The following FHAD1 variants were observed in gnomAD, a reference collection of about 807,000 sequenced individuals.
FHAD1 encodes the protein forkhead-associated domain-containing protein 1.
In FHAD1, 146 loss-of-function variants were observed where a neutral mutation model predicts 191.3. The observed-to-expected ratio is 0.76, with a 90% confidence interval of 0.67 to 0.88. The LOEUF (loss-of-function observed/expected upper bound fraction) is 0.88, where lower values mean the gene tolerates loss of function less well. Among genes scored for constraint, FHAD1 ranks in the 40% least tolerant of loss-of-function variants. The pLI, the probability that FHAD1 is intolerant of heterozygous loss-of-function variation, is 0.00. For missense variants in FHAD1, 1,635 were observed against 1,785.8 expected, an observed-to-expected ratio of 0.92 and a Z score of 1.52; for synonymous variants, 616 against 672.3, an observed-to-expected ratio of 0.92 and a Z score of 1.29.
intron 7 of FHAD1, among the ~76,000 whole-genome samples, chr1:15,309,592 C>T (rs1303994028): frequency 6.6e-6 from 1 of 151,946 alleles, no homozygotes; most frequent in Non-Finnish European, 1.5e-5. Flanking sequence ...CTGCGGGCCA[C>T]ATATGGCCCA....
chr1:15,307,976 C>T (rs1442681106), intron 6 of FHAD1, among the ~76,000 whole-genome samples: 1 of 152,136 alleles, frequency 6.6e-6, no homozygotes, highest in African/African-American at 2.4e-5. Flanking sequence ...ATGATCCACC[C>T]GCCTCAGCCT....
rs1674408322 is a variant in FHAD1, at chr1:15,316,274, G to A, written c.1171-104G>A. 6 of 875,662 alleles carry A rather than the reference G, an allele frequency of 6.9e-6. No homozygotes were observed. In the South Asian group the frequency reaches 9.3e-5, roughly 14 times the overall value. The allele number at this position is 875,662 out of a possible 1,614,324, so 54.2% of individuals were successfully genotyped here. On this transcript the variant is annotated intron_variant, in intron 8 of 33. Transcript: ENST00000688493. The surrounding 1 kb of genome is among the most constrained non-coding windows in gnomAD (Gnocchi z 4.3). ...GTGCGTGACTGGATGGAAACAGCAG[G>A]AAATGCTCTCAGGGGCTCACATGGG...
At chr1:15,365,442 G>A (rs1696094865) in intron 23 of FHAD1, among the ~76,000 whole-genome samples, 1 of 147,648 alleles carries the variant, frequency 6.8e-6, no homozygotes, top group Non-Finnish European at 1.5e-5. Flanking sequence ...AGCCTCCCGA[G>A]TAGCTGGGAC....
chr1:15,373,072 T>C (rs977366210), intron 26 of FHAD1, among the ~76,000 whole-genome samples: 1 of 152,172 alleles, frequency 6.6e-6, no homozygotes, highest in South Asian at 2.1e-4. Context: ...TAGAGAAGCA[T>C]TGTTTAGCTC....
intron 19 of FHAD1, among the ~76,000 whole-genome samples, chr1:15,351,448 G>C (rs1477664922): frequency 6.6e-6 from 1 of 152,174 alleles, no homozygotes; most frequent in East Asian, 1.9e-4. Context: ...TTAAGGCAAG[G>C]GCACTGGTGT....
intron 16 of FHAD1, 98 bp downstream of exon 16, chr1:15,341,986 G>A (rs933311101): frequency 9.6e-7 from 1 of 1,043,086 alleles, no homozygotes. Flanking sequence ...AGAAATCTCA[G>A]CTACTCTGTT....
At chr1:15,299,400 T>A (rs549399623) in intron 5 of FHAD1, among the ~76,000 whole-genome samples, 1 of 152,356 alleles carries the variant, frequency 6.6e-6, no homozygotes, top group East Asian at 1.9e-4. Flanking sequence ...TGGCTTCTTA[T>A]GTTGGAAAAC....
intron 8 of FHAD1, among the ~76,000 whole-genome samples, chr1:15,315,485 C>CT (rs34261315): frequency 0.6 from 72,889 of 121,116 alleles, 23,263 homozygotes; most frequent in South Asian, 0.76. Flanking sequence ...TGGGTGTTTC[C>CT]TTTTTTTTTT....
chr1:15,291,185 G>A (rs376627714), intron 4 of FHAD1, among the ~76,000 whole-genome samples: 1 of 145,746 alleles, frequency 6.9e-6, no homozygotes, highest in African/African-American at 2.6e-5. Flanking sequence ...GGGTTCAAGC[G>A]GTTCTCCTGC....
chr1:15,278,523 G>C (rs1659341249), intron 3 of FHAD1, among the ~76,000 whole-genome samples: 1 of 134,582 alleles, frequency 7.4e-6, no homozygotes, highest in East Asian at 2.1e-4. Flanking sequence ...GCTTAGGCTG[G>C]AGTGCAGTGG....
intron 1 of FHAD1, among the ~76,000 whole-genome samples, chr1:15,241,224 A>G (rs1269788773): frequency 6.6e-6 from 1 of 152,236 alleles, no homozygotes; most frequent in East Asian, 1.9e-4. Context: ...GAGCAATGAG[A>G]ATGAATGAAC....
chr1:15,293,624 A>G (rs1033834015), intron 4 of FHAD1, among the ~76,000 whole-genome samples: 29 of 152,216 alleles, frequency 1.9e-4, no homozygotes, highest in African/African-American at 6.5e-4. Flanking sequence ...AGGCTGAGGC[A>G]GGAGAATCGC....
At chr1:15,375,981 C>T (rs1358734404) in intron 28 of FHAD1, among the ~76,000 whole-genome samples, 6 of 151,834 alleles carry the variant, frequency 4.0e-5, no homozygotes, top group Admixed American at 1.3e-4. Flanking sequence ...TGAAGCATGG[C>T]GGGCCCCCTT....
At chr1:15,251,975 A>G (rs886086109) in intron 2 of FHAD1, 98 bp downstream of exon 2, 5 of 995,254 alleles carry the variant, frequency 5.0e-6, no homozygotes, top group Non-Finnish European at 5.9e-6. Flanking sequence ...TCTCTTGTAC[A>G]CCACAACCTG....
chr1:15,367,125 A>G (rs1696721295), intron 24 of FHAD1, among the ~76,000 whole-genome samples: 1 of 152,072 alleles, frequency 6.6e-6, no homozygotes, highest in African/African-American at 2.4e-5. Flanking sequence ...GTTGGGCCCA[A>G]TTCTATATCT....
At chr1:15,397,132 A>T (rs1169227672) in intron 33 of FHAD1, among the ~76,000 whole-genome samples, 165 bp from the exon 34 acceptor site, 2 of 151,376 alleles carry the variant, frequency 1.3e-5, no homozygotes, top group Non-Finnish European at 2.9e-5. Flanking sequence ...CGGAGCTTGC[A>T]GTGAGCCGAG....
At chr1:15,392,400 C>G (rs1018694400) in intron 33 of FHAD1, among the ~76,000 whole-genome samples, 2 of 152,062 alleles carry the variant, frequency 1.3e-5, no homozygotes, top group African/African-American at 4.8e-5. Flanking sequence ...GGCATGGTGG[C>G]GGGCGCCTGT....
At position 15,329,704 on chromosome 1, in the gene FHAD1, T is replaced by TA. The variant is rs111349324; in HGVS notation, c.1906+174dup. The TA allele has an allele frequency of 0.11, 41,101 of 381,558 alleles. 1 individual carries two copies. Among genetic ancestry groups the TA allele is most frequent in the South Asian group, 0.14 (3,218 of 22,606 alleles). 23.6% of individuals were successfully genotyped at this position (381,558 alleles called of 1,614,324 possible). On this transcript the variant is annotated intron_variant, in intron 14 of 33. Transcript: ENST00000688493. This position sits in a 1 kb window ranked among gnomAD's most constrained non-coding sequence, Gnocchi z 5.0. ...CTCTGCTTGAGGCGTAATTTTCCAT[T>TA]AAAAAAAAAAACACACACATACAAG...
chr1:15,353,082 C>A, intron 20 of FHAD1, 98 bp downstream of exon 20: 1 of 878,532 alleles, frequency 1.1e-6, no homozygotes, highest in Non-Finnish European at 1.8e-6. Flanking sequence ...CTCTCCCCAT[C>A]CCTGGCTGGG....
Sources: allele counts gnomAD v4.1 joint callset (sites outside exome capture counted in the v4.1 genomes callset), GRCh38; gene constraint gnomAD v4.1.1; non-coding constraint Gnocchi (gnomAD v3.1); transcripts MANE v1.5; gene names NCBI Gene and HGNC (gene_info 2026-07-23, HGNC 2026-07-21).